Variants in PNO1 observed in about 807,000 individuals in gnomAD.
PNO1 encodes the protein RNA-binding protein PNO1.
In PNO1, 16 loss-of-function variants were observed where a neutral mutation model predicts 28.4. The observed-to-expected ratio is 0.56, with a 90% confidence interval of 0.38 to 0.85. PNO1 has a LOEUF of 0.85. Among genes scored for constraint, PNO1 ranks in the 40% least tolerant of loss-of-function variants. The pLI is 0.00. For missense variants in PNO1, 304 were observed against 312.2 expected (o/e 0.97, Z 0.20); for synonymous variants, 115 against 110.8 (o/e 1.04, Z -0.24).
intron 2 of PNO1, among the ~76,000 whole-genome samples, chr2:68,159,178 T>C (rs1175577013): frequency 2.0e-5 from 3 of 152,206 alleles, no homozygotes; most frequent in Non-Finnish European, 4.4e-5. Context: ...AATGTCATTA[T>C]GCAGTGCATG....
chr2:68,160,287 A>G (rs1270383496), intron 2 of PNO1, among the ~76,000 whole-genome samples: 2 of 152,034 alleles, frequency 1.3e-5, no homozygotes, highest in Admixed American at 1.3e-4. Context: ...AAAGTTTTGG[A>G]CTTAACTTGC....
At position 68,169,793 on chromosome 2, in the gene PNO1, C is replaced by T. The variant is rs553020283; in HGVS notation, c.621-3554C>T. The stretch of plus-strand genomic sequence containing the variant: ...TTTCTTAATTTTTTTGACATTTCTA[C>T]GATACTTAGCTCCTCTCTGGGTTTT... On this transcript the variant is annotated intron_variant, in intron 5 of 6. Transcript: ENST00000263657. Among the ~76,000 whole-genome samples, 5 of 152,250 alleles carry T rather than the reference C, an allele frequency of 3.3e-5. No individual in the cohort carries two copies. In the South Asian group the frequency reaches 1.0e-3, roughly 32 times the overall value.
In PNO1 at chr2:68,157,996, G is replaced by T; in HGVS notation, c.62G>T (p.Arg21Leu). ...GAGGAGGGCTTTACCCAGGTCACCCGCAAGGGTGGCCGACGGGCGAAGAAA... is the reference window on the plus strand; with the variant it reads ...GAGGAGGGCTTTACCCAGGTCACCCTCAAGGGTGGCCGACGGGCGAAGAAA... ...RAEEGFTQVT[R>L]KGGRRAKKRQ... Residue 21 changes from arginine (R) to leucine (L), a missense_variant, in exon 1 of 7, where the codon CGC becomes CTC. By Grantham distance (102) the Arg-to-Leu change is moderately radical. Coordinates refer to ENST00000263657, the MANE Select transcript of PNO1 (RefSeq NM_020143.4). 3.1e-6 allele frequency: 5 copies of T among 1,614,132 alleles called. No homozygotes were observed. Among genetic ancestry groups the T allele is most frequent in the Non-Finnish European group, 4.2e-6 (5 of 1,179,990 alleles).
In PNO1 at chr2:68,173,340, C is replaced by T; in HGVS notation, c.621-7C>T. ...GCCACTAATTTGTCTCATTTTATTT[C>T]TTTCAGGAAAGTTCACATCCTTGGC... On this transcript the variant is annotated splice_polypyrimidine_tract_variant and splice_region_variant and intron_variant, in intron 5 of 6. Transcript: ENST00000263657. 1.9e-6 allele frequency: 3 copies of T among 1,575,194 alleles called. No homozygotes were observed. Among genetic ancestry groups the T allele is most frequent in the Non-Finnish European group, 2.6e-6 (3 of 1,145,448 alleles).
chr2:68,172,383 T>C (rs1449104655), intron 5 of PNO1, among the ~76,000 whole-genome samples: 1 of 152,180 alleles, frequency 6.6e-6, no homozygotes, highest in East Asian at 1.9e-4. Flanking sequence ...GAGGAAGAAC[T>C]GGCCACCATT....
intron 5 of PNO1, among the ~76,000 whole-genome samples, chr2:68,171,017 C>T (rs150858949): frequency 3.0e-4 from 46 of 152,298 alleles, no homozygotes; most frequent in African/African-American, 1.1e-3. Context: ...CTTCTCTGTC[C>T]TCCTGATGGT....
chr2:68,162,532 C>A lies in PNO1; in HGVS notation c.503-14C>A. 1 of 1,568,606 alleles carries A rather than the reference C, an allele frequency of 6.4e-7. No individual in the cohort carries two copies. ...GAATGGCTTGCCTCCTGAGATCTTG[C>A]TTTTCTTGTTTAGTTAAACCCCTAA... is the stretch of plus-strand genomic sequence containing the variant. On this transcript the variant is annotated splice_polypyrimidine_tract_variant and intron_variant, in intron 4 of 6. Transcript: ENST00000263657.
At chr2:68,166,372 C>G (rs1285702870) in intron 5 of PNO1, among the ~76,000 whole-genome samples, 3 of 142,404 alleles carry the variant, frequency 2.1e-5, no homozygotes, top group African/African-American at 8.2e-5. Flanking sequence ...ATACTGTACT[C>G]TTTCATAAAG....
intron 5 of PNO1, among the ~76,000 whole-genome samples, chr2:68,171,901 G>T (rs1376492771): frequency 1.3e-5 from 2 of 152,126 alleles, no homozygotes; most frequent in East Asian, 3.9e-4. Context: ...TGGGGTAGGG[G>T]TGAAGGATTA....
rs1228402860 is a variant in PNO1, at chr2:68,158,117, A to C, written c.183A>C (p.Pro61=). Residue 61 remains proline, a synonymous_variant, in exon 1 of 7, where the codon CCA becomes CCC. Coordinates refer to ENST00000263657, the MANE Select transcript of PNO1 (RefSeq NM_020143.4). The part of the protein sequence containing the change: ...EARPAKRPVF[P]PLCGDGLLSG... ...GGCCGGCGAAGAGGCCCGTCTTCCC[A>C]CCCCTCTGTGGGGACGGGCTCCTGG... is the stretch of plus-strand genomic sequence containing the variant. 2 of 1,606,774 alleles carry C rather than the reference A, an allele frequency of 1.2e-6. No individual in the cohort carries two copies. The highest frequency in any genetic ancestry group is 2.2e-5 in the South Asian group (2 of 90,522).
intron 6 of PNO1, among the ~76,000 whole-genome samples, 159 bp downstream of exon 6, chr2:68,173,576 A>ATTT (rs34874863): frequency 0.021 from 2,385 of 111,340 alleles, 133 homozygotes; most frequent in African/African-American, 0.078. Flanking sequence ...AGGAAGTAGA[A>ATTT]TTTTTTTTTT....
At position 68,162,250 on chromosome 2, in the gene PNO1, G is replaced by C. The variant is rs144643388; in HGVS notation, c.442-15G>C. 5.0e-6 allele frequency: 8 copies of C among 1,601,740 alleles called. No individual in the cohort carries two copies. In the East Asian group the frequency reaches 1.8e-4, roughly 36 times the overall value. ...AAATGGAAGGGGCTTCACGGTGTTTGTTTTTATATTATAGGATGCACTTGC... is the reference window on the plus strand; with the variant it reads ...AAATGGAAGGGGCTTCACGGTGTTTCTTTTTATATTATAGGATGCACTTGC... On this transcript the variant is annotated splice_polypyrimidine_tract_variant and intron_variant, in intron 3 of 6. Transcript: ENST00000263657.
intron 5 of PNO1, among the ~76,000 whole-genome samples, chr2:68,163,059 T>C (rs956882469): frequency 2.0e-5 from 3 of 152,332 alleles, no homozygotes; most frequent in South Asian, 2.1e-4. Context: ...CCTTGTAAAG[T>C]TGAAAAATCC....
chr2:68,162,448 G>A, intron 4 of PNO1, 98 bp from the exon 5 acceptor site: 1 of 1,049,692 alleles, frequency 9.5e-7, no homozygotes, highest in South Asian at 1.4e-5. Flanking sequence ...TATACACTTT[G>A]TGTCCTTTAG....
At chr2:68,165,194 C>T (rs946157825) in intron 5 of PNO1, among the ~76,000 whole-genome samples, 2 of 151,466 alleles carry the variant, frequency 1.3e-5, no homozygotes, top group African/African-American at 4.9e-5. Context: ...GAAACCCTGT[C>T]TCTACTAAAA....
At chr2:68,158,200 A>G (rs1673722789) in intron 1 of PNO1, 59 bp downstream of exon 1, 5 of 1,499,486 alleles carry the variant, frequency 3.3e-6, no homozygotes, top group Non-Finnish European at 4.5e-6. Flanking sequence ...GATCAAGCCG[A>G]TGGCCTCTGG....
At chr2:68,173,503 T>C (rs1367194818) in intron 6 of PNO1, 86 bp downstream of exon 6, 1 of 817,694 alleles carries the variant, frequency 1.2e-6, no homozygotes, top group Non-Finnish European at 2.1e-6. Flanking sequence ...GCAAAGCAAT[T>C]TAGGGTAATA....
At chr2:68,162,049 G>A (rs1673844890) in intron 3 of PNO1, among the ~76,000 whole-genome samples, 1 of 151,794 alleles carries the variant, frequency 6.6e-6, no homozygotes, top group Non-Finnish European at 1.5e-5. Flanking sequence ...TGAGGTGGGA[G>A]AATCACTTGA....
At chr2:68,160,711 A>G (rs914861895) in intron 2 of PNO1, among the ~76,000 whole-genome samples, 22 of 152,224 alleles carry the variant, frequency 1.4e-4, no homozygotes, top group African/African-American at 3.6e-4. Context: ...ATTTTCTATT[A>G]TACTAGTAGG....
Sources: gnomAD v4.1 joint callset for allele counts (sites outside exome capture counted in the v4.1 genomes callset) on GRCh38, gnomAD v4.1.1 for gene constraint, MANE v1.5 for transcripts, NCBI Gene and HGNC (gene_info 2026-07-23, HGNC 2026-07-21) for gene names.